Variants in IKBKB-DT observed in about 807,000 individuals in gnomAD.
The protein encoded by IKBKB-DT is IKBKB antisense RNA.
intron 3 of IKBKB-DT, among the ~76,000 whole-genome samples, chr8:42,248,092 C>T (rs368101463): frequency 3.4e-5 from 5 of 146,006 alleles, no homozygotes; most frequent in Admixed American, 2.8e-4. Context: ...GACTCCGTCT[C>T]GGAAAAAAAA....
At chr8:42,256,720 T>C (rs1807205496) in intron 3 of IKBKB-DT, among the ~76,000 whole-genome samples, 1 of 152,178 alleles carries the variant, frequency 6.6e-6, no homozygotes, top group Non-Finnish European at 1.5e-5. Context: ...AGTTGAACGG[T>C]ATGATCTTAA....
chr8:42,255,777 G>A (rs1186032191), intron 3 of IKBKB-DT, among the ~76,000 whole-genome samples: 1 of 152,114 alleles, frequency 6.6e-6, no homozygotes, highest in Non-Finnish European at 1.5e-5. Context: ...TGTAATCCCA[G>A]CACTTTGGGA....
intron 2 of IKBKB-DT, among the ~76,000 whole-genome samples, chr8:42,264,545 T>A (rs1020867703): frequency 2.0e-5 from 3 of 152,204 alleles, no homozygotes; most frequent in African/African-American, 7.2e-5. Flanking sequence ...AAGGGTAGCT[T>A]TTAAAATATT....
intron 2 of IKBKB-DT, among the ~76,000 whole-genome samples, chr8:42,263,792 C>T (rs1051095643): frequency 1.3e-5 from 2 of 152,126 alleles, no homozygotes; most frequent in African/African-American, 2.4e-5. Context: ...ACAAAGAAAC[C>T]CTTACAAATG....
At chr8:42,245,437 C>G (rs895008297) in intron 3 of IKBKB-DT, among the ~76,000 whole-genome samples, 2 of 152,212 alleles carry the variant, frequency 1.3e-5, no homozygotes, top group Non-Finnish European at 2.9e-5. Flanking sequence ...ATTGTGTTCA[C>G]AAAGGCTGAT....
chr8:42,261,769 C>T (rs894418933), intron 3 of IKBKB-DT, among the ~76,000 whole-genome samples: 5 of 152,160 alleles, frequency 3.3e-5, no homozygotes, highest in South Asian at 2.1e-4. Context: ...TAGATTCTGA[C>T]CGTTTTGATG....
At chr8:42,260,092 A>G (rs1807264080) in intron 3 of IKBKB-DT, among the ~76,000 whole-genome samples, 2 of 152,202 alleles carry the variant, frequency 1.3e-5, no homozygotes, top group Admixed American at 6.5e-5. Flanking sequence ...AAGAGGTTGT[A>G]GGGGAGCCAG....
chr8:42,266,413 G>A (rs1168425216), intron 1 of IKBKB-DT: 1 of 152,276 alleles, frequency 6.6e-6, no homozygotes, highest in African/African-American at 2.4e-5. Flanking sequence ...TCAGGTGAGA[G>A]AGCAGAATTT....
intron 3 of IKBKB-DT, among the ~76,000 whole-genome samples, chr8:42,239,409 C>T (rs1806969333): frequency 6.6e-6 from 1 of 151,462 alleles, no homozygotes; most frequent in Non-Finnish European, 1.5e-5. Context: ...GGCCCCCATC[C>T]CCTCCGGTGG....
At chr8:42,247,102 G>A (rs1414084962) in intron 3 of IKBKB-DT, among the ~76,000 whole-genome samples, 5 of 152,120 alleles carry the variant, frequency 3.3e-5, no homozygotes, top group Admixed American at 6.6e-5. Context: ...AGCTTGCATC[G>A]TGTGCCTGTA....
Position 42,242,606 on chromosome 8 carries a change from G to A in IKBKB-DT, n.1530-8747C>T, listed in dbSNP as rs556526164. On this transcript the variant is annotated intron_variant and non_coding_transcript_variant, in intron 3 of 3. Transcript: ENST00000518213. ...ATCTTCTGCCACCCTGTACAGCAAC[G>A]TCCTCCATTTGGCCTGGTCGCTAGT... Among the ~76,000 whole-genome samples the A allele has an allele frequency of 1.1e-4, 16 of 152,286 alleles. 1 individual carries two copies. In the East Asian group the frequency reaches 1.2e-3, roughly 11 times the overall value.
exon 2 of IKBKB-DT, chr8:42,266,074 C>G (rs1807365049): frequency 6.6e-6 from 1 of 152,300 alleles, no homozygotes; most frequent in Admixed American, 6.5e-5. Flanking sequence ...TTCTTCACAT[C>G]CTCCGACTTT....
chr8:42,251,833 A>AAAAAAAAAAAC, intron 3 of IKBKB-DT, among the ~76,000 whole-genome samples: 1 of 151,456 alleles, frequency 6.6e-6, no homozygotes, highest in African/African-American at 2.4e-5. Context: ...CATCTCAAAA[A>AAAAAAAAAAAC]AAAAAAAAAA....
At chr8:42,243,516 T>C (rs1807029041) in intron 3 of IKBKB-DT, among the ~76,000 whole-genome samples, 1 of 152,236 alleles carries the variant, frequency 6.6e-6, no homozygotes, top group South Asian at 2.1e-4. Context: ...GTCCCACCAC[T>C]TCCCTGAGTT....
intron 3 of IKBKB-DT, among the ~76,000 whole-genome samples, chr8:42,247,865 C>G (rs979694003): frequency 6.6e-6 from 1 of 152,088 alleles, no homozygotes; most frequent in Non-Finnish European, 1.5e-5. Flanking sequence ...GAGGCTAAGG[C>G]GGGTGGATCA....
chr8:42,243,725 G>A (rs573000639), intron 3 of IKBKB-DT, among the ~76,000 whole-genome samples: 22 of 152,302 alleles, frequency 1.4e-4, no homozygotes, highest in African/African-American at 4.3e-4. Flanking sequence ...GTTTGTAACC[G>A]GTAGTGAGTA....
intron 3 of IKBKB-DT, among the ~76,000 whole-genome samples, chr8:42,250,296 G>A (rs1353619613): frequency 6.6e-6 from 1 of 152,080 alleles, no homozygotes; most frequent in African/African-American, 2.4e-5. Context: ...GGATCCAGGT[G>A]GAGCCATCGG....
intron 3 of IKBKB-DT, among the ~76,000 whole-genome samples, chr8:42,256,718 G>A (rs1807205372): frequency 6.6e-6 from 1 of 151,968 alleles, no homozygotes; most frequent in Non-Finnish European, 1.5e-5. Flanking sequence ...GAAGTTGAAC[G>A]GTATGATCTT....
At chr8:42,241,944 T>C (rs1044359517) in intron 3 of IKBKB-DT, among the ~76,000 whole-genome samples, 1 of 152,210 alleles carries the variant, frequency 6.6e-6, no homozygotes, top group Admixed American at 6.5e-5. Context: ...CCTGGCGTGG[T>C]GGCTCACACC....
Sources: allele counts gnomAD v4.1 joint callset (sites outside exome capture counted in the v4.1 genomes callset), GRCh38; gene constraint gnomAD v4.1.1; transcripts MANE v1.5; gene names NCBI Gene and HGNC (gene_info 2026-07-23, HGNC 2026-07-21).